Variants in ZIM2 observed in about 807,000 individuals in gnomAD.
ZIM2 encodes zinc finger protein 656.
A neutral mutation model predicts 38.6 loss-of-function variants in ZIM2; 14 were observed. The observed-to-expected ratio is 0.36, with a 90% CI of 0.24 to 0.57. The LOEUF (loss-of-function observed/expected upper bound fraction) is 0.57, where lower values mean the gene tolerates loss of function less well. ZIM2 is among the 20% of genes least tolerant of loss of function. The pLI is 0.81. For missense variants in ZIM2, 680 were observed against 695.1 expected (o/e 0.98, Z 0.24); for synonymous variants, 247 against 245.8 (o/e 1.00, Z -0.04).
At chr19:56,802,764 C>T (rs1396847685) in intron 9 of ZIM2, among the ~76,000 whole-genome samples, 1 of 152,230 alleles carries the variant, frequency 6.6e-6, no homozygotes, top group Non-Finnish European at 1.5e-5. Context: ...GTTCAAAAAA[C>T]TTCCCCAAAA....
chr19:56,782,155 A>G, intron 10 of ZIM2, 34 bp from the exon 11 acceptor site: 1 of 1,605,086 alleles, frequency 6.2e-7, no homozygotes, highest in Non-Finnish European at 8.5e-7. Context: ...ACGTGATTAG[A>G]GAGGACTGAA....
At chr19:56,801,833 C>T (rs897900701) in intron 9 of ZIM2, among the ~76,000 whole-genome samples, 3 of 152,230 alleles carry the variant, frequency 2.0e-5, no homozygotes, top group African/African-American at 4.8e-5. Flanking sequence ...TGTCCAACAA[C>T]CGGGATAGGG....
intron 10 of ZIM2, among the ~76,000 whole-genome samples, chr19:56,785,299 A>C (rs1600727598): frequency 6.6e-6 from 1 of 152,074 alleles, no homozygotes; most frequent in South Asian, 2.1e-4. Context: ...AATCCCTGGC[A>C]CAGACAAGGT....
At chr19:56,826,177 C>G (rs1389670386) in intron 3 of ZIM2, among the ~76,000 whole-genome samples, 2 of 152,148 alleles carry the variant, frequency 1.3e-5, no homozygotes, top group Non-Finnish European at 2.9e-5. Flanking sequence ...CCAGAGAGTC[C>G]AGGCTCCAGA....
At chr19:56,816,608 G>C (rs753415356) in intron 9 of ZIM2, 1 of 1,613,902 alleles carries the variant, frequency 6.2e-7, no homozygotes, top group South Asian at 1.1e-5. Context: ...TTAAGGGCTG[G>C]GCTGGGCCTA....
chr19:56,838,441 G>A (rs1259043309), intron 1 of ZIM2, among the ~76,000 whole-genome samples: 1 of 152,158 alleles, frequency 6.6e-6, no homozygotes, highest in African/African-American at 2.4e-5. Flanking sequence ...TATCAGTCCC[G>A]AGGAACGGTC....
rs1418041109 is a variant in ZIM2, at chr19:56,779,404, C to G, written c.808G>C (p.Asp270His). The change falls in exon 12 of 13, where the codon GAC becomes CAC. Residue 270 changes from aspartate to histidine, a missense_variant. Coordinates refer to ENST00000629319, the MANE Select transcript of ZIM2 (RefSeq NM_001387356.1). ...TGACAAATCACTGTATGTCTGCTGT[C>G]TGTCTCCATTGCATATGATTCCTCC... ...EEEESYAMET[D>H]SRHTVICQGE... 1.2e-6 allele frequency: 2 copies of G among 1,613,958 alleles called. No homozygotes were observed. Among genetic ancestry groups the G allele is most frequent in the South Asian group, 2.2e-5 (2 of 91,068 alleles).
intron 1 of ZIM2, among the ~76,000 whole-genome samples, chr19:56,839,999 G>T (rs540423058): frequency 6.6e-6 from 1 of 152,186 alleles, no homozygotes; most frequent in Non-Finnish European, 1.5e-5. Context: ...ACAGCCCTTC[G>T]CCCCTCCCAC....
chr19:56,835,552 C>T (rs1169345915), intron 2 of ZIM2, among the ~76,000 whole-genome samples: 1 of 152,202 alleles, frequency 6.6e-6, no homozygotes, highest in East Asian at 1.9e-4. Flanking sequence ...AAGATTAAGT[C>T]AGCTGTTGCT....
intron 1 of ZIM2, among the ~76,000 whole-genome samples, 153 bp from the exon 2 acceptor site, chr19:56,836,257 C>A (rs1187778156): frequency 6.6e-6 from 1 of 152,082 alleles, no homozygotes; most frequent in Non-Finnish European, 1.5e-5. Context: ...GGATGAATGG[C>A]CACGGGTATA....
At chr19:56,787,710 G>GAT (rs900740818) in intron 10 of ZIM2, among the ~76,000 whole-genome samples, 7 of 105,858 alleles carry the variant, frequency 6.6e-5, no homozygotes, top group African/African-American at 2.5e-4. Context: ...CTGGTCCTGG[G>GAT]TTTTTTTTTT....
intron 9 of ZIM2, chr19:56,816,790 C>G: frequency 1.9e-6 from 3 of 1,614,112 alleles, no homozygotes; most frequent in Non-Finnish European, 2.5e-6. Context: ...CTGAAGCTCA[C>G]TAAAGGTGGG....
At chr19:56,813,584 T>TA (rs2059690458) in intron 9 of ZIM2, 1 of 1,489,750 alleles carries the variant, frequency 6.7e-7, no homozygotes, top group African/African-American at 1.4e-5. Context: ...TTAAGTCTCC[T>TA]ACTGACATTA....
At chr19:56,831,551 G>T (rs1284551372) in intron 2 of ZIM2, among the ~76,000 whole-genome samples, 1 of 152,204 alleles carries the variant, frequency 6.6e-6, no homozygotes, top group Non-Finnish European at 1.5e-5. Context: ...GAAGGCTAAG[G>T]CCACTAGGGC....
Position 56,781,984 on chromosome 19 carries a change from C to T in ZIM2, c.708G>A (p.Met236Ile). ...AGACCAGGTTCCGGTAATTCTCCAG[C>T]ATCACCTCCCTGTAGAGGTTTCTCT... ...AAQRNLYREV[M>I]LENYRNLVSL... Residue 236 changes from methionine (M) to isoleucine (I), a missense_variant, in exon 11 of 13, where the codon ATG becomes ATA. Transcript: ENST00000629319. 1 of 1,613,840 alleles carries T rather than the reference C, an allele frequency of 6.2e-7. No homozygotes were observed. The highest frequency in any genetic ancestry group is 8.5e-7 in the Non-Finnish European group (1 of 1,179,834).
chr19:56,814,344 A>AGCT lies in ZIM2; in HGVS notation c.490+3399_490+3401dup, dbSNP rs1568616994. The stretch of plus-strand genomic sequence containing the variant: ...CAACTTCCTGGGCTGCTGCTGCTGC[A>AGCT]GCTGCTGCTGCTTCATCTTCTTCTT... On this transcript the variant is annotated intron_variant, in intron 9 of 12. Coordinates refer to ENST00000629319, the MANE Select transcript of ZIM2 (RefSeq NM_001387356.1). The surrounding 1 kb of genome is among the most constrained non-coding windows in gnomAD (Gnocchi z 5.8). 3.1e-6 allele frequency: 5 copies of AGCT among 1,613,302 alleles called. No homozygotes were observed. In the East Asian group the frequency reaches 6.7e-5, roughly 22 times the overall value.
intron 9 of ZIM2, among the ~76,000 whole-genome samples, chr19:56,805,237 A>G (rs939233497): frequency 6.6e-6 from 1 of 152,170 alleles, no homozygotes; most frequent in Non-Finnish European, 1.5e-5. Context: ...GTTTCCAGAC[A>G]TTGCCACATG....
chr19:56,816,411 T>C (rs971703614), intron 9 of ZIM2: 2 of 1,614,074 alleles, frequency 1.2e-6, no homozygotes, highest in South Asian at 1.1e-5. Flanking sequence ...TATTGTAAGT[T>C]TTCTGACGCC....
chr19:56,783,011 C>T (rs1246538826), intron 10 of ZIM2, among the ~76,000 whole-genome samples: 6 of 151,958 alleles, frequency 3.9e-5, no homozygotes, highest in Non-Finnish European at 8.8e-5. Flanking sequence ...CTCCCTCCAG[C>T]CCCCCAACTA....
Sources: allele counts gnomAD v4.1 joint callset (sites outside exome capture counted in the v4.1 genomes callset), GRCh38; gene constraint gnomAD v4.1.1; non-coding constraint Gnocchi (gnomAD v3.1); transcripts MANE v1.5; gene names NCBI Gene and HGNC (gene_info 2026-07-23, HGNC 2026-07-21).